The following HAP1 variants were observed in gnomAD, a reference collection of about 807,000 sequenced individuals.
HAP1 encodes huntingtin associated protein 1, also known as huntingtin-associated protein 1.
Under a neutral mutation model 60.3 loss-of-function variants are expected in HAP1, and 59 were observed. That is an observed-to-expected ratio of 0.98 (90% CI 0.79 to 1.22). HAP1 has a LOEUF of 1.22. HAP1 is among the 50% of genes most tolerant of loss of function. The pLI is 0.00. For synonymous variants in HAP1, 346 were observed against 330.6 expected (o/e 1.05, Z -0.50); for missense variants, 825 against 785.3 (o/e 1.05, Z -0.60).
At position 41,727,944 on chromosome 17, in the gene HAP1, A is replaced by G. The variant is rs1597740521; in HGVS notation, c.1201-108T>C. ...CACATCAGTGAGTCCTTGGCAGCCC[A>G]TGAAATGACAAGTCACACGGAAGGA... On this transcript the variant is annotated intron_variant, in intron 7 of 10. Transcript: ENST00000347901. The G allele has an allele frequency of 9.3e-6, 7 of 752,618 alleles. No homozygotes were observed. The East Asian group carries it at 1.3e-4, about 14-fold the overall frequency. 46.6% of individuals were successfully genotyped at this position (752,618 alleles called of 1,614,324 possible). A position where few individuals can be genotyped will look rare whatever the true frequency, so the allele number is the denominator to read the frequency against.
In HAP1 at chr17:41,732,337, C is replaced by A; in HGVS notation, c.607G>T (p.Asp203Tyr). ...TYGMVLQRER[D>Y]LNTAARIGQS... ...CCGATGCGAGCTGCAGTGTTCAGGT[C>A]CCTCTCTCTCTGCAGGACCATCCCA... is the stretch of plus-strand genomic sequence containing the variant. Residue 203 changes from aspartate to tyrosine, a missense_variant, in exon 3 of 11, where the codon GAC becomes TAC. Asp to Tyr is a radical substitution (Grantham distance 160). Transcript: ENST00000347901. 1 of 1,614,104 alleles carries A rather than the reference C, an allele frequency of 6.2e-7. No homozygotes were observed. The highest frequency in any genetic ancestry group is 8.5e-7 in the Non-Finnish European group (1 of 1,179,964).
chr17:41,728,448 C>T, intron 6 of HAP1, 117 bp from the exon 7 acceptor site: 1 of 845,732 alleles, frequency 1.2e-6, no homozygotes, highest in Non-Finnish European at 1.8e-6. Flanking sequence ...GCCAGTGGGT[C>T]CTGCAGGGCT....
At chr17:41,720,225 C>T (rs546674138), downstream of HAP1, among the ~76,000 whole-genome samples, 51 of 139,960 alleles carry the variant, frequency 3.6e-4, no homozygotes, top group South Asian at 0.011. Context: ...CACAGAGTTT[C>T]GCTGTTGTTG....
intron 1 of HAP1, among the ~76,000 whole-genome samples, 190 bp downstream of exon 1, chr17:41,733,976 C>T (rs1597751810): frequency 6.6e-6 from 1 of 152,118 alleles, no homozygotes; most frequent in South Asian, 2.1e-4. Flanking sequence ...CGGGCACAAA[C>T]CAGGGGACAA....
At chr17:41,728,946 G>GTTTA (rs55669552) in intron 6 of HAP1, among the ~76,000 whole-genome samples, 2 of 150,856 alleles carry the variant, frequency 1.3e-5, no homozygotes, top group Admixed American at 6.6e-5. Flanking sequence ...GGGTTTGTTG[G>GTTTA]TTTATTTATT....
rs371043806 is a variant in HAP1 at position 41,728,196 on chromosome 17, C to T, written c.1200+5G>A. 1 of 1,609,950 alleles carries T rather than the reference C, an allele frequency of 6.2e-7. No individual in the cohort carries two copies. The highest frequency in any genetic ancestry group is 1.3e-5 in the African/African-American group (1 of 74,936). Reference sequence around the variant, plus strand: ...ACAAGAGGGTTCCACACACACCCGACTCACCATCCGGCAGCGCTGCTGCAG... The same window carrying T: ...ACAAGAGGGTTCCACACACACCCGATTCACCATCCGGCAGCGCTGCTGCAG... On this transcript the variant is annotated splice_donor_5th_base_variant and intron_variant, in intron 7 of 10. Coordinates refer to ENST00000347901, the MANE Select transcript of HAP1 (RefSeq NM_177977.3).
intron 6 of HAP1, among the ~76,000 whole-genome samples, chr17:41,729,269 GACA>G (rs1911931289): frequency 6.6e-6 from 1 of 150,682 alleles, no homozygotes; most frequent in East Asian, 2.1e-4. Flanking sequence ...GAGGTCTTGG[GACA>G]GGCACAGTGG....
At chr17:41,726,860 C>T (rs1176848835) in intron 9 of HAP1, among the ~76,000 whole-genome samples, 193 bp downstream of exon 9, 79 of 148,032 alleles carry the variant, frequency 5.3e-4, no homozygotes, top group African/African-American at 1.9e-3. Context: ...AAGACTCCAT[C>T]TCAAAAAAAA....
intron 1 of HAP1, among the ~76,000 whole-genome samples, chr17:41,733,025 TG>T (rs67455284): frequency 7.9e-6 from 1 of 127,106 alleles, no homozygotes; most frequent in African/African-American, 3.0e-5. Flanking sequence ...TTTAGGTTTT[TG>T]GGTTTTTTTT....
Position 41,724,893 on chromosome 17 carries a change from C to A in HAP1, c.1668G>T (p.Val556=), listed in dbSNP as rs1465814164. 2.5e-6 allele frequency: 4 copies of A among 1,613,766 alleles called. No homozygotes were observed. The highest frequency in any genetic ancestry group is 3.4e-6 in the Non-Finnish European group (4 of 1,179,998). The change falls in exon 11 of 11, where the codon GTG becomes GTT. Residue 556 remains valine (V), a synonymous_variant. Transcript: ENST00000347901. ...AGCCGCTGGCCTCCAGGGCTGATGT[C>A]ACCACGTTCATCCGCGTTGCCTCAT... is the stretch of plus-strand genomic sequence containing the variant. ...ELDEATRMNV[V]TSALEASGLG...
chr17:41,733,338 G>A (rs1316328465), intron 1 of HAP1, among the ~76,000 whole-genome samples: 32 of 137,986 alleles, frequency 2.3e-4, no homozygotes, highest in Non-Finnish European at 3.9e-4. Flanking sequence ...ACAGGCGTCA[G>A]CCACCGCGCC....
In HAP1 at chr17:41,724,302, C is replaced by G; in HGVS notation, c.*399G>C. 1 of 163,164 alleles carries G rather than the reference C, an allele frequency of 6.1e-6. No homozygotes were observed. The highest frequency in any genetic ancestry group is 1.4e-5 in the Non-Finnish European group (1 of 73,534). 10.1% of individuals were successfully genotyped at this position (163,164 alleles called of 1,614,324 possible). A position where few individuals can be genotyped will look rare whatever the true frequency, so the allele number is the denominator to read the frequency against. ...GTGGGAGGGTGGCTGGCCCTGTCCT[C>G]CAGCCTGGGTCAGCCCCCGGGCTGC... On this transcript the variant is annotated 3_prime_UTR_variant, in exon 11 of 11. Coordinates refer to ENST00000347901, the MANE Select transcript of HAP1 (RefSeq NM_177977.3).
At chr17:41,725,250 C>T (rs1911542684) in intron 10 of HAP1, 96 bp from the exon 11 acceptor site, 1 of 1,035,328 alleles carries the variant, frequency 9.7e-7, no homozygotes, top group Non-Finnish European at 1.4e-6. Context: ...ATGGTTCCTC[C>T]TGGTTCTGTC....
At chr17:41,731,017 T>A (rs1256781775) in intron 6 of HAP1, among the ~76,000 whole-genome samples, 1 of 151,558 alleles carries the variant, frequency 6.6e-6, no homozygotes, top group African/African-American at 2.4e-5. Context: ...TTCAAGCAAT[T>A]CTCCCACCTC....
chr17:41,733,622 G>A (rs1912444187), intron 1 of HAP1, among the ~76,000 whole-genome samples: 2 of 152,104 alleles, frequency 1.3e-5, no homozygotes, highest in South Asian at 4.1e-4. Context: ...CACCAGATTA[G>A]GAGACACTCG....
rs1258227902 is a variant in HAP1, at chr17:41,734,387, G to T, written c.248C>A (p.Pro83Gln). 5.0e-6 allele frequency: 8 copies of T among 1,604,944 alleles called. No individual in the cohort carries two copies. The highest frequency in any genetic ancestry group is 1.7e-5 in the Admixed American group (1 of 59,830). The change falls in exon 1 of 11, where the codon CCG becomes CAG. Residue 83 changes from proline to glutamine, a missense_variant. Pro to Gln is a moderately conservative substitution (Grantham distance 76, BLOSUM62 -1). Coordinates refer to ENST00000347901, the MANE Select transcript of HAP1 (RefSeq NM_177977.3). ...CCCTTGGATGGCCGAGAATGCGGACGGGCGCCGGGCTCCTGCCTTGGCTCC... is the reference window on the plus strand; with the variant it reads ...CCCTTGGATGGCCGAGAATGCGGACTGGCGCCGGGCTCCTGCCTTGGCTCC... The part of the protein sequence containing the change: ...EAGAKAGARR[P>Q]SAFSAIQGDV...
At position 41,731,920 on chromosome 17, in the gene HAP1, C is replaced by T. The variant is rs1555591113; in HGVS notation, c.896+17G>A. 6 of 840,890 alleles carry T rather than the reference C, an allele frequency of 7.1e-6. No individual in the cohort carries two copies. Among genetic ancestry groups the T allele is most frequent in the Non-Finnish European group, 1.2e-5 (6 of 499,132 alleles). The allele number at this position is 840,890 out of a possible 1,614,324, so 52.1% of individuals were successfully genotyped here. A position where few individuals can be genotyped will look rare whatever the true frequency, so the allele number is the denominator to read the frequency against. On this transcript the variant is annotated intron_variant, in intron 4 of 10. Coordinates refer to ENST00000347901, the MANE Select transcript of HAP1 (RefSeq NM_177977.3). ...GGCTCAGAGAAAGGACTTGCAGGTG[C>T]AAAGGCAGGAACTCACAGCTTAGGG...
At chr17:41,727,607 C>CT (rs1176907680) in intron 8 of HAP1, among the ~76,000 whole-genome samples, 155 bp downstream of exon 8, 77 of 152,328 alleles carry the variant, frequency 5.1e-4, no homozygotes, top group African/African-American at 1.8e-3. Context: ...GAACTGTCAC[C>CT]TGCTGGGCTG....
downstream of HAP1, chr17:41,721,159 C>T (rs1911185561): frequency 6.6e-6 from 1 of 152,196 alleles, no homozygotes; most frequent in Non-Finnish European, 1.5e-5. Flanking sequence ...CCCGGTTAGC[C>T]ACAGCAATAA....
Sources: gnomAD v4.1 joint callset for allele counts (sites outside exome capture counted in the v4.1 genomes callset) on GRCh38, gnomAD v4.1.1 for gene constraint, MANE v1.5 for transcripts, NCBI Gene and HGNC (gene_info 2026-07-23, HGNC 2026-07-21) for gene names.